Variants in CCP110 observed in about 807,000 individuals in gnomAD.
CCP110 encodes centriolar coiled-coil protein 110, also known as centriolar coiled-coil protein of 110 kDa.
Under a neutral mutation model 105.5 loss-of-function variants are expected in CCP110, and 43 were observed. The observed-to-expected ratio is 0.41, with a 90% CI of 0.32 to 0.53. The LOEUF is 0.53. Among genes scored for constraint, CCP110 ranks in the 20% least tolerant of loss-of-function variants. The probability of loss-of-function intolerance (pLI) is 0.32; values close to 1 mark genes in which losing one functional copy is unlikely to be tolerated. For missense variants in CCP110, 1,016 were observed against 1,189.1 expected (o/e 0.85, Z 2.14); for synonymous variants, 353 against 392.1 (o/e 0.90, Z 1.18).
rs181320266 is a variant in CCP110 at position 19,544,787 on chromosome 16, C to T, written c.2485-10C>T. ...GAAAAATGTTTTTGAAGGAGCATTT[C>T]TTTTTTCAGGATACTATGGAATTCA... On this transcript the variant is annotated splice_polypyrimidine_tract_variant and intron_variant, in intron 8 of 14. Transcript: ENST00000381396. 1 of 1,413,538 alleles carries T rather than the reference C, an allele frequency of 7.1e-7. No homozygotes were observed. Among genetic ancestry groups the T allele is most frequent in the Non-Finnish European group, 9.9e-7 (1 of 1,014,494 alleles). 87.6% of individuals were successfully genotyped at this position (1,413,538 alleles called of 1,614,324 possible). A position where few individuals can be genotyped will look rare whatever the true frequency, so the allele number is the denominator to read the frequency against.
chr16:19,542,718 A>C (rs781640623), exon 7 of CCP110: 2 of 1,613,530 alleles, frequency 1.2e-6, no homozygotes, highest in African/African-American at 1.3e-5. Context: ...CCAAACTCTC[A>C]GTAACAAGGC....
At chr16:19,547,631 C>A in intron 12 of CCP110, 1 of 198,366 alleles carries the variant, frequency 5.0e-6, no homozygotes. Context: ...GAGAGTGATA[C>A]TTTCTTCTCT....
chr16:19,542,540 G>C, intron 6 of CCP110, 81 bp from the exon 7 acceptor site: 1 of 1,043,884 alleles, frequency 9.6e-7, no homozygotes, highest in Non-Finnish European at 1.4e-6. Context: ...TTCTTAATGA[G>C]TGTCACAAGT....
rs971281898 is a variant in CCP110 at position 19,548,708 on chromosome 16, A to C, written c.2986+108A>C. 7.4e-6 allele frequency: 5 copies of C among 677,008 alleles called. No individual in the cohort carries two copies. Among genetic ancestry groups the C allele is most frequent in the Non-Finnish European group, 1.2e-5 (5 of 404,740 alleles). The allele number at this position is 677,008 out of a possible 1,614,324, so 41.9% of individuals were successfully genotyped here. A position where few individuals can be genotyped will look rare whatever the true frequency, so the allele number is the denominator to read the frequency against. Reference sequence around the variant, plus strand: ...ATAGATTGTCTTTCCTTGCCACCATAATTTTGGCATATTCACAGTCATCTT... The same window carrying C: ...ATAGATTGTCTTTCCTTGCCACCATCATTTTGGCATATTCACAGTCATCTT... On this transcript the variant is annotated intron_variant, in intron 14 of 14. Coordinates refer to ENST00000381396, the Ensembl canonical transcript of CCP110. The surrounding 1 kb of genome is among the most constrained non-coding windows in gnomAD (Gnocchi z 4.1).
intron 14 of CCP110, among the ~76,000 whole-genome samples, chr16:19,550,317 A>G (rs964073177): frequency 7.9e-5 from 12 of 151,912 alleles, no homozygotes; most frequent in African/African-American, 2.2e-4. Flanking sequence ...ATGCCCAGCT[A>G]ATTTATTGTA....
At chr16:19,538,299 G>GTTTTTTTTTT (rs1555491002) in intron 4 of CCP110, among the ~76,000 whole-genome samples, 10 of 86,822 alleles carry the variant, frequency 1.2e-4, no homozygotes, top group East Asian at 4.9e-4. Flanking sequence ...GGAGGAAACA[G>GTTTTTTTTTT]TTCTTTTTTT....
Position 19,548,082 on chromosome 16 carries a change from A to G in CCP110, c.2900+68A>G, listed in dbSNP as rs2151484174. 1.8e-6 allele frequency: 2 copies of G among 1,082,172 alleles called. No individual in the cohort carries two copies. The highest frequency in any genetic ancestry group is 1.6e-5 in the African/African-American group (1 of 64,314). 67.0% of individuals were successfully genotyped at this position (1,082,172 alleles called of 1,614,324 possible). A position where few individuals can be genotyped will look rare whatever the true frequency, so the allele number is the denominator to read the frequency against. On this transcript the variant is annotated intron_variant, in intron 13 of 14. Transcript: ENST00000381396. This position sits in a 1 kb window ranked among gnomAD's most constrained non-coding sequence, Gnocchi z 4.1. ...GATTAGATTTGAGAGGGAAAAATAA[A>G]TCTAGTGTTCTTTATGTAAAGGATA...
intron 8 of CCP110, 76 bp downstream of exon 8, chr16:19,543,070 A>G: frequency 2.4e-6 from 2 of 830,134 alleles, no homozygotes; most frequent in Non-Finnish European, 4.0e-6. Context: ...GAGCTAACAG[A>G]TTAGTTCAGA....
rs561843183 is a variant in CCP110, at chr16:19,524,447, C to A, written c.-16+359C>A. ...CATCGTGGTGATCAAATTGTTTGGG[C>A]CGTTTTTCTTCTCCCTCCCACGGTG... On this transcript the variant is annotated intron_variant, in intron 1 of 14. Transcript: ENST00000381396. Among the ~76,000 whole-genome samples the A allele has an allele frequency of 8.1e-4, 123 of 152,230 alleles. No homozygotes were observed. In the South Asian group the frequency reaches 0.01, roughly 13 times the overall value.
intron 3 of CCP110, among the ~76,000 whole-genome samples, chr16:19,533,234 C>A (rs966000943): frequency 6.6e-6 from 1 of 151,922 alleles, no homozygotes; most frequent in African/African-American, 2.4e-5. Flanking sequence ...TAATTCGTAT[C>A]GATGACACGT....
At chr16:19,528,506 G>C (rs2151460718) in intron 2 of CCP110, among the ~76,000 whole-genome samples, 1 of 152,274 alleles carries the variant, frequency 6.6e-6, no homozygotes, top group East Asian at 1.9e-4. Flanking sequence ...CAGTAAGGCA[G>C]ATGTAAATGT....
intron 5 of CCP110, 64 bp from the exon 6 acceptor site, chr16:19,541,823 A>C: frequency 1.1e-6 from 1 of 941,268 alleles, no homozygotes; most frequent in Non-Finnish European, 1.5e-6. Flanking sequence ...CTAAGCCTAA[A>C]ATGATATCAT....
chr16:19,541,744 A>C, intron 5 of CCP110, 143 bp from the exon 6 acceptor site: 1 of 456,622 alleles, frequency 2.2e-6, no homozygotes. Flanking sequence ...GGGAGAAGGA[A>C]GGAAGGATAA....
intron 1 of CCP110, 99 bp from the exon 2 acceptor site, chr16:19,527,768 T>C (rs1382720448): frequency 1.2e-6 from 1 of 861,486 alleles, no homozygotes; most frequent in East Asian, 2.9e-5. Flanking sequence ...TTATAGGAAT[T>C]GTGAATTATA....
At chr16:19,546,116 T>C in intron 11 of CCP110, 1 of 527,470 alleles carries the variant, frequency 1.9e-6, no homozygotes, top group South Asian at 3.0e-5. Flanking sequence ...CTCATATAAC[T>C]GATAGCTGGT....
chr16:19,530,922 C>T lies in CCP110; in HGVS notation c.142-1494C>T, dbSNP rs8045381. Among the ~76,000 whole-genome samples, 487 of 151,606 alleles carry T rather than the reference C, an allele frequency of 3.2e-3. 4 individuals are homozygous for T. The highest frequency in any genetic ancestry group is 0.011 in the African/African-American group (453 of 41,376). ...ACCACTGTACTCCAACCTGAGACTC[C>T]ATCTCAAAAAAAAAAGGAATTCTTT... On this transcript the variant is annotated intron_variant, in intron 2 of 14. Transcript: ENST00000381396.
intron 10 of CCP110, among the ~76,000 whole-genome samples, 182 bp downstream of exon 10, chr16:19,545,392 T>A (rs532495695): frequency 6.6e-6 from 1 of 152,326 alleles, no homozygotes. Flanking sequence ...CATTTAAGAA[T>A]TACATATTGT....
rs1446953718 is a variant in CCP110, at chr16:19,542,607, G to T, written c.2228-14G>T. 6.3e-7 allele frequency: 1 copy of T among 1,579,122 alleles called. No homozygotes were observed. The highest frequency in any genetic ancestry group is 1.1e-5 in the South Asian group (1 of 90,378). ...TATGACATCAAGTATAATACTATAT[G>T]TATGTTTCTCTAGGTTTCACAAATT... On this transcript the variant is annotated splice_polypyrimidine_tract_variant and intron_variant, in intron 6 of 14. Coordinates refer to ENST00000381396, the Ensembl canonical transcript of CCP110.
At chr16:19,524,619 G>T (rs971462894) in intron 1 of CCP110, among the ~76,000 whole-genome samples, 2 of 152,152 alleles carry the variant, frequency 1.3e-5, no homozygotes, top group African/African-American at 4.8e-5. Flanking sequence ...TGCCCCTGGA[G>T]CTGCTAGATG....
Sources: gnomAD v4.1 joint callset for allele counts (sites outside exome capture counted in the v4.1 genomes callset) on GRCh38, gnomAD v4.1.1 for gene constraint, Gnocchi (gnomAD v3.1) non-coding constraint, MANE v1.5 for transcripts, NCBI Gene and HGNC (gene_info 2026-07-23, HGNC 2026-07-21) for gene names.